Variants in CCT2 observed in about 807,000 individuals in gnomAD.
CCT2 encodes T-complex protein 1 subunit beta.
A neutral mutation model predicts 61.8 loss-of-function variants in CCT2; 18 were observed. The observed-to-expected ratio is 0.29, with a 90% confidence interval of 0.20 to 0.43. The LOEUF (loss-of-function observed/expected upper bound fraction) is 0.43, where lower values mean the gene tolerates loss of function less well. Among genes scored for constraint, CCT2 ranks in the 20% least tolerant of loss-of-function variants. The probability of loss-of-function intolerance (pLI) is 1.00; values close to 1 mark genes in which losing one functional copy is unlikely to be tolerated. For synonymous variants in CCT2, 248 were observed against 215.9 expected (o/e 1.15, Z -1.30); for missense variants, 556 against 656.9 (o/e 0.85, Z 1.68).
chr12:69,598,470 T>C, intron 14 of CCT2, 49 bp downstream of exon 14: 1 of 1,160,832 alleles, frequency 8.6e-7, no homozygotes, highest in South Asian at 1.5e-5. Context: ...GTAACTCTTT[T>C]CACTAAGCTT....
chr12:69,587,295 A>T, intron 3 of CCT2: 2 of 453,170 alleles, frequency 4.4e-6, no homozygotes, highest in Non-Finnish European at 3.9e-6. Flanking sequence ...TTGAAACAAA[A>T]ACTAGTGTCT....
Position 69,587,600 on chromosome 12 carries a change from A to G in CCT2, c.240A>G (p.Ala80=), listed in dbSNP as rs182288953. The part of the protein sequence containing the change: ...ILKNIGVDNP[A]AKVLVDMSRV... ...AAAACATTGGTGTTGACAATCCAGC[A>G]GCTAAAGTTTTAGTTGGTAAGTCTG... The change falls in exon 4 of 16, where the codon GCA becomes GCG. Residue 80 remains alanine (A), a synonymous_variant. Transcript: ENST00000299300. The G allele has an allele frequency of 5.0e-6, 8 of 1,607,968 alleles. No homozygotes were observed. In the Admixed American group the frequency reaches 6.7e-5, roughly 13 times the overall value.
intron 10 of CCT2, among the ~76,000 whole-genome samples, chr12:69,594,720 G>A (rs532540741): frequency 7.2e-5 from 11 of 152,062 alleles, no homozygotes; most frequent in Non-Finnish European, 1.2e-4. Flanking sequence ...GGTGGCACAT[G>A]CCTGTAGTCC....
chr12:69,587,889 A>G, intron 4 of CCT2, 41 bp from the exon 5 acceptor site: 6 of 1,468,810 alleles, frequency 4.1e-6, no homozygotes, highest in Non-Finnish European at 5.7e-6. Context: ...TTTAGTAAGC[A>G]AAGAAGCAAT....
At chr12:69,589,310 G>A in intron 6 of CCT2, 175 bp from the exon 7 acceptor site, 2 of 596,724 alleles carry the variant, frequency 3.4e-6, no homozygotes. Flanking sequence ...TGCCAGTTTG[G>A]TGGGGAAAAT....
chr12:69,586,196 T>C, intron 1 of CCT2, 74 bp from the exon 2 acceptor site: 2 of 1,188,218 alleles, frequency 1.7e-6, no homozygotes, highest in Non-Finnish European at 2.5e-6. Flanking sequence ...CTTGTAAGAC[T>C]AGTGGAAGGC....
At chr12:69,597,042 C>A in intron 10 of CCT2, 114 bp from the exon 11 acceptor site, 1 of 871,168 alleles carries the variant, frequency 1.1e-6, no homozygotes, top group Non-Finnish European at 1.7e-6. Flanking sequence ...AATCAGCAAT[C>A]AATTTTTAAA....
Position 69,586,329 on chromosome 12 carries a change from A to G in CCT2, c.63A>G (p.Ala21=). 1 of 1,611,528 alleles carries G rather than the reference A, an allele frequency of 6.2e-7. No homozygotes were observed. The highest frequency in any genetic ancestry group is 8.5e-7 in the Non-Finnish European group (1 of 1,177,642). ...AGGCAGGAGCTGATGAAGAGAGAGC[A>G]GAGACAGCTCGTCTGGTAAGCCTTG... ...IFKAGADEER[A]ETARLTSFIG... Residue 21 remains alanine, a synonymous_variant, in exon 2 of 16, where the codon GCA becomes GCG. Transcript: ENST00000299300.
rs1881875000 is a variant in CCT2, at chr12:69,592,819, T to G, written c.751-157T>G. 1.1e-5 allele frequency: 6 copies of G among 551,106 alleles called. No homozygotes were observed. The South Asian group carries it at 1.4e-4, about 12-fold the overall frequency. The allele number at this position is 551,106 out of a possible 1,614,324, so 34.1% of individuals were successfully genotyped here. A position where few individuals can be genotyped will look rare whatever the true frequency, so the allele number is the denominator to read the frequency against. On this transcript the variant is annotated intron_variant, in intron 8 of 15. Transcript: ENST00000299300. ...GGCGCACACCTGTAATCCCAGCTGC[T>G]TGGAAGGCTGAGGCAGGAGAATCAC...
chr12:69,592,334 T>C (rs1163909258), intron 8 of CCT2, 175 bp downstream of exon 8: 1 of 383,252 alleles, frequency 2.6e-6, no homozygotes, highest in Non-Finnish European at 4.8e-6. Flanking sequence ...AAATACAAAA[T>C]TAGCTGGGCA....
chr12:69,587,394 A>G (rs1233738011), intron 3 of CCT2, 111 bp from the exon 4 acceptor site: 1 of 621,946 alleles, frequency 1.6e-6, no homozygotes, highest in Non-Finnish European at 2.8e-6. Flanking sequence ...GATACCACAA[A>G]ATAGCTATCC....
At chr12:69,587,246 T>C (rs1395790261) in intron 3 of CCT2, 2 of 404,946 alleles carry the variant, frequency 4.9e-6, no homozygotes, top group Non-Finnish European at 8.7e-6. Context: ...ATTATGGCTG[T>C]ATTGATAGTT....
At chr12:69,592,935 A>T (rs1881878855) in intron 8 of CCT2, 41 bp from the exon 9 acceptor site, 2 of 1,594,282 alleles carry the variant, frequency 1.3e-6, no homozygotes, top group South Asian at 1.1e-5. Flanking sequence ...CTCAAAAAAA[A>T]TAATGAAACT....
intron 8 of CCT2, chr12:69,592,479 G>A (rs749198383): frequency 1.6e-4 from 18 of 110,700 alleles, no homozygotes; most frequent in Admixed American, 3.2e-4. Context: ...GTGAAACTCC[G>A]TCTCAAAAGT....
chr12:69,585,464 G>A lies in CCT2; in HGVS notation c.-58G>A. 2 of 1,550,680 alleles carry A rather than the reference G, an allele frequency of 1.3e-6. No homozygotes were observed. The highest frequency in any genetic ancestry group is 1.7e-6 in the Non-Finnish European group (2 of 1,145,260). On this transcript the variant is annotated 5_prime_UTR_variant, in exon 1 of 16. Transcript: ENST00000299300. ...CGTCACTTCCGGCTTCCTTCAGTCC[G>A]CTGGTCCCGAGCACGAGCTGTGAGG... is the stretch of plus-strand genomic sequence containing the variant.
chr12:69,597,089 C>G (rs1882013901), intron 10 of CCT2, 67 bp from the exon 11 acceptor site: 1 of 1,471,582 alleles, frequency 6.8e-7, no homozygotes, highest in South Asian at 1.2e-5. Flanking sequence ...CTATCCATTA[C>G]TGCTTATTAG....
At chr12:69,594,723 T>C (rs1881936938) in intron 10 of CCT2, among the ~76,000 whole-genome samples, 1 of 152,094 alleles carries the variant, frequency 6.6e-6, no homozygotes, top group Non-Finnish European at 1.5e-5. Flanking sequence ...GGCACATGCC[T>C]GTAGTCCTAG....
chr12:69,597,459 A>G (rs1407239353), intron 11 of CCT2, among the ~76,000 whole-genome samples, 179 bp from the exon 12 acceptor site: 2 of 152,228 alleles, frequency 1.3e-5, no homozygotes, highest in African/African-American at 4.8e-5. Context: ...TGAACAGTGC[A>G]TGTTCAACAG....
Position 69,601,449 on chromosome 12 carries a change from T to A in CCT2, c.*124T>A. 6.3e-7 allele frequency: 1 copy of A among 1,582,836 alleles called. No homozygotes were observed. Among genetic ancestry groups the A allele is most frequent in the Non-Finnish European group, 8.6e-7 (1 of 1,166,530 alleles). On this transcript the variant is annotated 3_prime_UTR_variant, in exon 16 of 16. Coordinates refer to ENST00000299300, the MANE Select transcript of CCT2 (RefSeq NM_006431.3). Reference sequence around the variant, plus strand: ...CCATTATATCCTTAAGTTTGGATATTTAGCTGACCTTCGCTTTAACATAGG... The same window carrying A: ...CCATTATATCCTTAAGTTTGGATATATAGCTGACCTTCGCTTTAACATAGG...
Sources: allele counts gnomAD v4.1 joint callset (sites outside exome capture counted in the v4.1 genomes callset), GRCh38; gene constraint gnomAD v4.1.1; transcripts MANE v1.5; gene names NCBI Gene and HGNC (gene_info 2026-07-23, HGNC 2026-07-21).